GRIK2: variants seen among roughly 807,000 people sequenced by gnomAD.
GRIK2 encodes the protein glutamate receptor ionotropic, kainate 2.
GRIK2 carries 32 observed loss-of-function variants against 100.3 expected under a neutral mutation model. The ratio of observed to expected loss-of-function variants is 0.32; its 90% confidence interval spans 0.24 to 0.43. The LOEUF (loss-of-function observed/expected upper bound fraction) is 0.43, where lower values mean the gene tolerates loss of function less well. Ranked by LOEUF, GRIK2 falls within the 20% of genes least tolerant of loss-of-function variation. The pLI, the probability that GRIK2 is intolerant of heterozygous loss-of-function variation, is 1.00. For synonymous variants in GRIK2, 417 were observed against 389.4 expected (o/e 1.07, Z -0.83); for missense variants, 843 against 1,114.9 (o/e 0.76, Z 3.47).
At chr6:101,808,919 TAAAA>T (rs900045588) in intron 9 of GRIK2, among the ~76,000 whole-genome samples, 1 of 150,298 alleles carries the variant, frequency 6.7e-6, no homozygotes, top group South Asian at 2.1e-4. Flanking sequence ...GGGAAAATCT[TAAAA>T]AAAAATACAG....
chr6:101,983,987 C>A (rs1793871013), intron 14 of GRIK2, among the ~76,000 whole-genome samples: 1 of 151,560 alleles, frequency 6.6e-6, no homozygotes, highest in South Asian at 2.1e-4. Context: ...ACATCGTTGA[C>A]ATTTATTTTG....
chr6:101,468,781 C>T (rs1233773464), intron 2 of GRIK2, among the ~76,000 whole-genome samples: 1 of 152,062 alleles, frequency 6.6e-6, no homozygotes, highest in East Asian at 1.9e-4. Flanking sequence ...TAATAGTTTA[C>T]TTAAAATCTA....
chr6:101,747,881 A>G (rs9399727), intron 7 of GRIK2, among the ~76,000 whole-genome samples: 24 of 152,196 alleles, frequency 1.6e-4, no homozygotes, highest in Middle Eastern at 6.8e-3. Context: ...TTTCACAACA[A>G]TCTTATCTTA....
intron 10 of GRIK2, among the ~76,000 whole-genome samples, chr6:101,848,716 A>C (rs898530077): frequency 6.6e-6 from 1 of 152,104 alleles, no homozygotes; most frequent in Non-Finnish European, 1.5e-5. Flanking sequence ...ATCAATAAAC[A>C]TGCCAATCAA....
At chr6:101,991,584 CA>C (rs1411498458) in intron 14 of GRIK2, among the ~76,000 whole-genome samples, 2 of 150,722 alleles carry the variant, frequency 1.3e-5, no homozygotes, top group Non-Finnish European at 3.0e-5. Context: ...AAAATTCTTT[CA>C]AAAAAATTCA....
chr6:101,770,907 T>C (rs553103561), intron 7 of GRIK2, among the ~76,000 whole-genome samples: 1 of 152,330 alleles, frequency 6.6e-6, no homozygotes, highest in African/African-American at 2.4e-5. Context: ...AGTGATTGCC[T>C]AAAATTTTCC....
chr6:101,743,639 C>T (rs1327020734), intron 7 of GRIK2, among the ~76,000 whole-genome samples: 1 of 152,006 alleles, frequency 6.6e-6, no homozygotes, highest in African/African-American at 2.4e-5. Context: ...GTCTTGTATT[C>T]TCCTTCTGGT....
At chr6:101,705,119 A>G (rs1180875764) in intron 7 of GRIK2, among the ~76,000 whole-genome samples, 3 of 150,332 alleles carry the variant, frequency 2.0e-5, no homozygotes, top group Non-Finnish European at 3.0e-5. Flanking sequence ...CATGTCATAA[A>G]TTTTTAAGTT....
intron 14 of GRIK2, among the ~76,000 whole-genome samples, chr6:102,023,006 G>A (rs9485585): frequency 0.39 from 58,655 of 151,158 alleles, 12,093 homozygotes; most frequent in African/African-American, 0.53. Flanking sequence ...AGTGGTGGAT[G>A]TGAGAAGTTG....
intron 3 of GRIK2, among the ~76,000 whole-genome samples, chr6:101,623,391 G>A (rs1187665152): frequency 1.3e-5 from 2 of 152,056 alleles, no homozygotes; most frequent in Non-Finnish European, 2.9e-5. Flanking sequence ...AAAGGTAACT[G>A]TGAAATATTA....
intron 12 of GRIK2, among the ~76,000 whole-genome samples, chr6:101,906,842 C>G (rs1006721554): frequency 6.6e-6 from 1 of 151,756 alleles, no homozygotes. Flanking sequence ...CTGGTCCGCA[C>G]TAGAGTGTGG....
chr6:101,779,629 AC>A (rs1334519191), intron 7 of GRIK2, among the ~76,000 whole-genome samples: 1 of 152,164 alleles, frequency 6.6e-6, no homozygotes, highest in African/African-American at 2.4e-5. Flanking sequence ...AGGCGTCTGA[AC>A]TAGCAGTGAA....
intron 2 of GRIK2, among the ~76,000 whole-genome samples, chr6:101,507,339 A>G (rs1331923166): frequency 6.6e-6 from 1 of 152,118 alleles, no homozygotes; most frequent in Non-Finnish European, 1.5e-5. Context: ...ATTGCCTTAG[A>G]GATATATCTA....
At chr6:101,534,205 C>G (rs1321048919) in intron 2 of GRIK2, among the ~76,000 whole-genome samples, 1 of 151,638 alleles carries the variant, frequency 6.6e-6, no homozygotes, top group East Asian at 1.9e-4. Flanking sequence ...TAGACAGATC[C>G]TTGCAACTAT....
At chr6:101,627,117 CTGTGTGTG>C (rs111285339) in intron 4 of GRIK2, among the ~76,000 whole-genome samples, 17,511 of 144,998 alleles carry the variant, frequency 0.12, 1,043 homozygotes, top group Admixed American at 0.16. Context: ...GTGTGTGTCT[CTGTGTGTG>C]TGTGTGTGTG....
At chr6:101,643,279 A>G (rs1305910635) in intron 4 of GRIK2, among the ~76,000 whole-genome samples, 1 of 151,648 alleles carries the variant, frequency 6.6e-6, no homozygotes, top group African/African-American at 2.4e-5. Flanking sequence ...GTCATATTCA[A>G]TAAATCATTG....
intron 2 of GRIK2, among the ~76,000 whole-genome samples, chr6:101,420,753 C>T (rs908927949): frequency 6.6e-6 from 1 of 152,178 alleles, no homozygotes; most frequent in Non-Finnish European, 1.5e-5. Context: ...TTCTTACCCT[C>T]AGAGAGCTTA....
chr6:101,615,851 T>C (rs980058066), intron 2 of GRIK2, among the ~76,000 whole-genome samples: 1 of 151,838 alleles, frequency 6.6e-6, no homozygotes, highest in Admixed American at 6.6e-5. Context: ...AAATCAAAGA[T>C]GTTCTTTTAA....
At chr6:101,895,994 T>C (rs1787413137) in intron 12 of GRIK2, among the ~76,000 whole-genome samples, 1 of 151,790 alleles carries the variant, frequency 6.6e-6, no homozygotes, top group Admixed American at 6.6e-5. Context: ...AAATTAGATA[T>C]ATTTTCAAAC....
Sources: gnomAD v4.1 joint callset for allele counts (sites outside exome capture counted in the v4.1 genomes callset) on GRCh38, gnomAD v4.1.1 for gene constraint, MANE v1.5 for transcripts, NCBI Gene and HGNC (gene_info 2026-07-23, HGNC 2026-07-21) for gene names.